Variants in BBOX1 observed in about 807,000 individuals in gnomAD.
BBOX1 encodes the protein gamma-butyrobetaine dioxygenase.
In BBOX1, 35 loss-of-function variants were observed where a neutral mutation model predicts 41.6. That is an observed-to-expected ratio of 0.84 (90% CI 0.64 to 1.11). BBOX1 has a LOEUF of 1.11. Among genes scored for constraint, BBOX1 ranks in the 50% most tolerant of loss-of-function variants. BBOX1 has a pLI of 0.00. For missense variants in BBOX1, 458 were observed against 460.6 expected (o/e 0.99, Z 0.05); for synonymous variants, 163 against 154.7 (o/e 1.05, Z -0.40).
At chr11:27,097,490 G>A (rs1364075110) in intron 5 of BBOX1, among the ~76,000 whole-genome samples, 3 of 152,002 alleles carry the variant, frequency 2.0e-5, no homozygotes, top group Non-Finnish European at 4.4e-5. Flanking sequence ...TACGTGCATG[G>A]CACTGTACCA....
chr11:27,090,984 T>C lies in BBOX1; in HGVS notation c.335-2184T>C, dbSNP rs375458512. 3.9e-4 allele frequency among the ~76,000 whole-genome samples: 60 copies of C among 152,088 alleles called. No individual in the cohort carries two copies. In the South Asian group the frequency reaches 0.011, roughly 27 times the overall value. ...CAGACCTTATGGTTGTCTTCTGTTT[T>C]ACAATCAATTTATACAGTTAACACA... On this transcript the variant is annotated intron_variant, in intron 4 of 8. Coordinates refer to ENST00000263182, the MANE Select transcript of BBOX1 (RefSeq NM_003986.3).
chr11:27,064,926 A>G (rs1857238458), intron 4 of BBOX1, among the ~76,000 whole-genome samples: 1 of 152,022 alleles, frequency 6.6e-6, no homozygotes, highest in Admixed American at 6.6e-5. Flanking sequence ...AACAACAAAA[A>G]AAACATCTCA....
At chr11:27,061,048 T>C (rs1360677389) in intron 4 of BBOX1, among the ~76,000 whole-genome samples, 20 of 152,348 alleles carry the variant, frequency 1.3e-4, no homozygotes, top group Admixed American at 6.5e-5. Flanking sequence ...ACTCAAAATA[T>C]TTTTCCTTAA....
At chr11:27,106,117 G>A (rs900650375) in intron 5 of BBOX1, among the ~76,000 whole-genome samples, 3 of 152,050 alleles carry the variant, frequency 2.0e-5, no homozygotes, top group South Asian at 2.1e-4. Context: ...GGAACAACCG[G>A]TACCAGCCAC....
rs1351075106 is a variant in BBOX1, at chr11:27,043,305, C to T, written c.-39+1827C>T. Among the ~76,000 whole-genome samples the T allele has an allele frequency of 2.0e-5, 3 of 151,776 alleles. No homozygotes were observed. The East Asian group carries it at 5.8e-4, about 29-fold the overall frequency. On this transcript the variant is annotated intron_variant, in intron 2 of 8. Transcript: ENST00000263182. ...GTCTCGATTTCCTGACCTCGTGATCCACCCACCTCAGCCTCCCAAAGTGCT... is the reference window on the plus strand; with the variant it reads ...GTCTCGATTTCCTGACCTCGTGATCTACCCACCTCAGCCTCCCAAAGTGCT...
chr11:27,085,480 C>A (rs757514253), intron 4 of BBOX1, among the ~76,000 whole-genome samples: 29 of 151,620 alleles, frequency 1.9e-4, no homozygotes, highest in Non-Finnish European at 3.7e-4. Flanking sequence ...GGTACCATAA[C>A]CAGCACTCAT....
At chr11:27,125,534 A>T in intron 7 of BBOX1, 120 bp from the exon 8 acceptor site, 1 of 824,262 alleles carries the variant, frequency 1.2e-6, no homozygotes, top group Non-Finnish European at 1.8e-6. Context: ...TATCTTCTGT[A>T]CATGTATTTG....
chr11:27,079,468 A>G lies in BBOX1; in HGVS notation c.335-13700A>G, dbSNP rs899312489. 2.0e-5 allele frequency among the ~76,000 whole-genome samples: 3 copies of G among 152,276 alleles called. No homozygotes were observed. The South Asian group carries it at 6.2e-4, about 32-fold the overall frequency. ...ATATGTGCTAGATACTTGAAAAAGAAAAATTCCAAACTGAAAATTGGTACA... is the reference window on the plus strand; with the variant it reads ...ATATGTGCTAGATACTTGAAAAAGAGAAATTCCAAACTGAAAATTGGTACA... On this transcript the variant is annotated intron_variant, in intron 4 of 8. Coordinates refer to ENST00000263182, the MANE Select transcript of BBOX1 (RefSeq NM_003986.3).
intron 4 of BBOX1, among the ~76,000 whole-genome samples, chr11:27,070,254 G>C (rs1441359769): frequency 6.6e-6 from 1 of 152,108 alleles, no homozygotes; most frequent in African/African-American, 2.4e-5. Flanking sequence ...TGGGTAGAAT[G>C]TTCTATAAAT....
chr11:27,093,156 A>G lies in BBOX1; in HGVS notation c.335-12A>G. The G allele has an allele frequency of 6.2e-7, 1 of 1,610,134 alleles. No homozygotes were observed. The highest frequency in any genetic ancestry group is 8.5e-7 in the Non-Finnish European group (1 of 1,177,286). ...TAATCCCATCTGATTTCTTCATTTT[A>G]TCAATTCACAGAATGCCAATACTGG... On this transcript the variant is annotated splice_polypyrimidine_tract_variant and intron_variant, in intron 4 of 8. Coordinates refer to ENST00000263182, the MANE Select transcript of BBOX1 (RefSeq NM_003986.3).
chr11:27,048,181 A>T (rs1851549564), intron 2 of BBOX1, among the ~76,000 whole-genome samples: 1 of 152,170 alleles, frequency 6.6e-6, no homozygotes, highest in Non-Finnish European at 1.5e-5. Flanking sequence ...TATTAACTAT[A>T]GTCACTATAT....
intron 4 of BBOX1, 21 bp downstream of exon 4, chr11:27,057,336 A>G: frequency 1.3e-6 from 2 of 1,569,574 alleles, no homozygotes; most frequent in Non-Finnish European, 1.8e-6. Context: ...CAAAGTCTTC[A>G]ATGTCTTTTT....
intron 5 of BBOX1, among the ~76,000 whole-genome samples, chr11:27,100,875 C>A (rs1858623108): frequency 6.6e-6 from 1 of 151,948 alleles, no homozygotes; most frequent in African/African-American, 2.4e-5. Context: ...CACACACATA[C>A]AACCTTCCTT....
chr11:27,047,912 T>A (rs912963049), intron 2 of BBOX1, among the ~76,000 whole-genome samples: 25 of 152,168 alleles, frequency 1.6e-4, no homozygotes, highest in African/African-American at 5.1e-4. Context: ...ACTATTGTAA[T>A]CTTACCGTCC....
intron 2 of BBOX1, among the ~76,000 whole-genome samples, chr11:27,047,732 A>T (rs984958293): frequency 2.0e-5 from 3 of 152,000 alleles, no homozygotes; most frequent in African/African-American, 7.2e-5. Context: ...GCCTCTTTCT[A>T]CTTCTGTTTT....
intron 6 of BBOX1, among the ~76,000 whole-genome samples, chr11:27,116,546 T>C (rs1037662626): frequency 6.6e-6 from 1 of 151,958 alleles, no homozygotes; most frequent in African/African-American, 2.4e-5. Context: ...CCCTTGTTTT[T>C]TCAATATGGG....
intron 4 of BBOX1, among the ~76,000 whole-genome samples, chr11:27,059,119 T>C (rs1590172822): frequency 6.6e-6 from 1 of 152,186 alleles, no homozygotes; most frequent in Admixed American, 6.5e-5. Flanking sequence ...AGGGCTCCAC[T>C]GCCCTGTGTG....
intron 7 of BBOX1, among the ~76,000 whole-genome samples, chr11:27,121,686 T>A (rs976485445): frequency 6.6e-6 from 1 of 152,176 alleles, no homozygotes; most frequent in African/African-American, 2.4e-5. Flanking sequence ...AGAATAAACC[T>A]GAGACGTTTT....
chr11:27,041,666 T>C (rs1362728667), intron 2 of BBOX1, among the ~76,000 whole-genome samples, 188 bp downstream of exon 2: 1 of 152,144 alleles, frequency 6.6e-6, no homozygotes, highest in Admixed American at 6.5e-5. Context: ...GGATGGTCCA[T>C]CAAGCATTTA....
Sources: gnomAD v4.1 joint callset for allele counts (sites outside exome capture counted in the v4.1 genomes callset) on GRCh38, gnomAD v4.1.1 for gene constraint, MANE v1.5 for transcripts, NCBI Gene and HGNC (gene_info 2026-07-23, HGNC 2026-07-21) for gene names.